SCN3A: variants seen among roughly 807,000 people sequenced by gnomAD.
The protein encoded by SCN3A is sodium channel protein type 3 subunit alpha.
A neutral mutation model predicts 187.6 loss-of-function variants in SCN3A; 60 were observed. The observed-to-expected ratio is 0.32, with a 90% CI of 0.26 to 0.40. SCN3A has a LOEUF of 0.40. SCN3A is among the 10% of genes least tolerant of loss of function. The pLI, the probability that SCN3A is intolerant of heterozygous loss-of-function variation, is 1.00. For missense variants in SCN3A, 1,601 were observed against 2,428.2 expected (o/e 0.66, Z 7.16); for synonymous variants, 788 against 829.2 (o/e 0.95, Z 0.85).
chr2:165,168,884 CA>C, intron 4 of SCN3A, 59 bp from the exon 5 acceptor site: 1 of 1,152,184 alleles, frequency 8.7e-7, no homozygotes, highest in East Asian at 2.4e-5. Flanking sequence ...ATAAATGATC[CA>C]AAACACACAA....
intron 21 of SCN3A, among the ~76,000 whole-genome samples, chr2:165,110,622 T>A (rs1358412750): frequency 6.6e-6 from 1 of 152,214 alleles, no homozygotes; most frequent in Non-Finnish European, 1.5e-5. Flanking sequence ...TATATTTACT[T>A]TAGCTTAGTG....
At chr2:165,126,140 A>G (rs973962875) in intron 18 of SCN3A, among the ~76,000 whole-genome samples, 2 of 152,198 alleles carry the variant, frequency 1.3e-5, no homozygotes, top group African/African-American at 2.4e-5. Context: ...GAAATCAGAC[A>G]TTGTTGGTTT....
chr2:165,117,614 C>T (rs1028962593), intron 18 of SCN3A, among the ~76,000 whole-genome samples: 2 of 151,926 alleles, frequency 1.3e-5, no homozygotes, highest in Non-Finnish European at 2.9e-5. Context: ...AAGAGTGAAT[C>T]GATGAATGTT....
chr2:165,153,448 C>T (rs1377475313), intron 11 of SCN3A, among the ~76,000 whole-genome samples: 3 of 151,894 alleles, frequency 2.0e-5, no homozygotes, highest in Non-Finnish European at 4.4e-5. Flanking sequence ...GGATAAACTG[C>T]ACTTTAAATA....
chr2:165,135,511 A>T (rs1309628581), intron 15 of SCN3A, among the ~76,000 whole-genome samples: 1 of 152,086 alleles, frequency 6.6e-6, no homozygotes, highest in Non-Finnish European at 1.5e-5. Flanking sequence ...AGCAAATTAT[A>T]AGCTCTCCAC....
chr2:165,193,646 C>A (rs1036342413), intron 1 of SCN3A, among the ~76,000 whole-genome samples: 2 of 152,068 alleles, frequency 1.3e-5, no homozygotes, highest in Middle Eastern at 3.2e-3. Flanking sequence ...AAATGACAGC[C>A]CACTGTTTTC....
chr2:165,126,436 T>C (rs1224973590), intron 18 of SCN3A, among the ~76,000 whole-genome samples: 1 of 151,608 alleles, frequency 6.6e-6, no homozygotes, highest in East Asian at 1.9e-4. Flanking sequence ...CTTCCCTTCC[T>C]TCCTTTCTTT....
chr2:165,186,091 G>T (rs1401110778), intron 2 of SCN3A, among the ~76,000 whole-genome samples: 3 of 152,042 alleles, frequency 2.0e-5, no homozygotes, highest in Non-Finnish European at 4.4e-5. Context: ...CTAACACGAT[G>T]AAACCTCGTC....
At position 165,140,957 on chromosome 2, in the gene SCN3A, G is replaced by T. The variant is rs1286481092; in HGVS notation, c.1713C>A (p.Arg571=). 3 of 1,613,988 alleles carry T rather than the reference G, an allele frequency of 1.9e-6. No individual in the cohort carries two copies. Among genetic ancestry groups the T allele is most frequent in the Non-Finnish European group, 2.5e-6 (3 of 1,179,940 alleles). ...SIRGSLFSPR[R]NSKTSIFSFR... ...AACTGAAAATGCTTGTTTTGCTATT[G>T]CGTCTTGGGGAAAACAGGGAGCCAC... Residue 571 remains arginine, a synonymous_variant, in exon 13 of 28, where the codon CGC becomes CGA. Coordinates refer to ENST00000283254, the MANE Select transcript of SCN3A (RefSeq NM_006922.4). The surrounding 1 kb of genome is among the most constrained non-coding windows in gnomAD (Gnocchi z 4.2).
intron 18 of SCN3A, among the ~76,000 whole-genome samples, chr2:165,116,542 G>T (rs1317549566): frequency 6.6e-6 from 1 of 152,138 alleles, no homozygotes; most frequent in Non-Finnish European, 1.5e-5. Flanking sequence ...ACATGTTAAT[G>T]ATTTCAAAGC....
At chr2:165,194,006 T>C (rs1175622576) in intron 1 of SCN3A, among the ~76,000 whole-genome samples, 1 of 152,120 alleles carries the variant, frequency 6.6e-6, no homozygotes, top group Non-Finnish European at 1.5e-5. Flanking sequence ...TACACAGTTA[T>C]AATGTTACAC....
At chr2:165,119,854 C>T (rs770088447) in intron 18 of SCN3A, 4 of 152,076 alleles carry the variant, frequency 2.6e-5, no homozygotes, top group Admixed American at 6.6e-5. Context: ...TACTAAATAA[C>T]TAAATTCATA....
intron 1 of SCN3A, 122 bp downstream of exon 1, chr2:165,203,701 T>C (rs1373579262): frequency 3.3e-5 from 5 of 152,042 alleles, no homozygotes; most frequent in Non-Finnish European, 7.4e-5. Context: ...CTTTGGTTCC[T>C]GTAATTTACA....
intron 18 of SCN3A, among the ~76,000 whole-genome samples, chr2:165,116,439 T>C (rs1221236517): frequency 1.3e-5 from 2 of 152,252 alleles, no homozygotes; most frequent in African/African-American, 2.4e-5. Flanking sequence ...GAAGACAGGA[T>C]TGTGCAAAGT....
At chr2:165,176,070 A>G in intron 3 of SCN3A, 61 bp downstream of exon 3, 1 of 1,541,248 alleles carries the variant, frequency 6.5e-7, no homozygotes, top group Non-Finnish European at 8.9e-7. Flanking sequence ...AGGCCCAGAA[A>G]AGTATATTAC....
chr2:165,147,142 T>C (rs1349697909), intron 11 of SCN3A, 113 bp from the exon 12 acceptor site: 10 of 1,179,836 alleles, frequency 8.5e-6, no homozygotes, highest in Non-Finnish European at 1.2e-5. Context: ...AAGTCTATCC[T>C]CTAGTCCTTT....
Position 165,090,723 on chromosome 2 carries a change from G to A in SCN3A, c.5430C>T (p.Phe1810=). 6.2e-7 allele frequency: 1 copy of A among 1,614,060 alleles called. No individual in the cohort carries two copies. The highest frequency in any genetic ancestry group is 1.3e-5 in the African/African-American group (1 of 75,010). ...FDPDATQFIE[F]SKLSDFAAAL... ...CAGCTGCAAAATCAGAGAGTTTAGAGAACTCTATAAACTGGGTCGCATCGG... is the reference window on the plus strand; with the variant it reads ...CAGCTGCAAAATCAGAGAGTTTAGAAAACTCTATAAACTGGGTCGCATCGG... The change falls in exon 28 of 28, where the codon TTC becomes TTT. Residue 1810 remains phenylalanine (F), a synonymous_variant. Transcript: ENST00000283254. This position sits in a 1 kb window ranked among gnomAD's most constrained non-coding sequence, Gnocchi z 4.0.
intron 21 of SCN3A, among the ~76,000 whole-genome samples, chr2:165,107,554 A>G (rs114686497): frequency 2.1e-4 from 32 of 152,386 alleles, no homozygotes; most frequent in Non-Finnish European, 4.0e-4. Context: ...GGTGCTAGAT[A>G]AAATTCAAGG....
intron 14 of SCN3A, 53 bp from the exon 15 acceptor site, chr2:165,138,170 T>G (rs78750940): frequency 0.012 from 15,515 of 1,268,472 alleles, 145 homozygotes; most frequent in Non-Finnish European, 0.013. Flanking sequence ...AATGAGTTAT[T>G]ATTGCTAGTA....
Sources: allele counts gnomAD v4.1 joint callset (sites outside exome capture counted in the v4.1 genomes callset), GRCh38; gene constraint gnomAD v4.1.1; non-coding constraint Gnocchi (gnomAD v3.1); transcripts MANE v1.5; gene names NCBI Gene and HGNC (gene_info 2026-07-23, HGNC 2026-07-21).